APPL1: variants seen among roughly 807,000 people sequenced by gnomAD.
APPL1 encodes the protein DCC-interacting protein 13-alpha.
In APPL1, 42 loss-of-function variants were observed where a neutral mutation model predicts 106.8. The ratio of observed to expected loss-of-function variants is 0.39; its 90% CI spans 0.31 to 0.51. The LOEUF (loss-of-function observed/expected upper bound fraction) is 0.51. Among genes scored for constraint, APPL1 ranks in the 20% least tolerant of loss-of-function variants. The pLI, the probability that APPL1 is intolerant of heterozygous loss-of-function variation, is 0.75. For synonymous variants in APPL1, 263 were observed against 281.8 expected (o/e 0.93, Z 0.67); for missense variants, 769 against 858.2 (o/e 0.90, Z 1.30).
At chr3:57,231,012 C>T (rs1292417198) in intron 1 of APPL1, among the ~76,000 whole-genome samples, 2 of 151,694 alleles carry the variant, frequency 1.3e-5, no homozygotes, top group Admixed American at 6.6e-5. Flanking sequence ...ATTCTGCTTC[C>T]TCAGCCTCCC....
At chr3:57,260,245 A>C in intron 18 of APPL1, 92 bp downstream of exon 18, 1 of 1,334,774 alleles carries the variant, frequency 7.5e-7, no homozygotes, top group East Asian at 2.4e-5. Flanking sequence ...TGTATATTCA[A>C]GTGTGATAGT....
intron 12 of APPL1, among the ~76,000 whole-genome samples, chr3:57,253,298 G>A (rs1021186991): frequency 6.6e-6 from 1 of 151,980 alleles, no homozygotes; most frequent in African/African-American, 2.4e-5. Flanking sequence ...GTGGGGATTA[G>A]GAGGGGAAGT....
At chr3:57,261,650 C>T (rs1046708967) in intron 19 of APPL1, among the ~76,000 whole-genome samples, 1 of 152,144 alleles carries the variant, frequency 6.6e-6, no homozygotes, top group African/African-American at 2.4e-5. Context: ...TCCCGAGTAG[C>T]TGGGATTACA....
intron 15 of APPL1, chr3:57,258,721 TC>T (rs2060850137): frequency 2.2e-5 from 5 of 226,334 alleles, no homozygotes; most frequent in Admixed American, 5.7e-5. Flanking sequence ...AAATAAGTGT[TC>T]CTCTGTGCTA....
chr3:57,248,402 C>A (rs772981881), intron 10 of APPL1, 51 bp downstream of exon 10: 12 of 1,525,712 alleles, frequency 7.9e-6, no homozygotes, highest in Admixed American at 1.9e-5. Context: ...TAAGACAATA[C>A]CAAATGAATA....
At chr3:57,235,177 A>G (rs1012631420) in intron 1 of APPL1, among the ~76,000 whole-genome samples, 1 of 152,218 alleles carries the variant, frequency 6.6e-6, no homozygotes, top group Non-Finnish European at 1.5e-5. Flanking sequence ...CTCTTCTAGC[A>G]AAAACTGTAG....
chr3:57,264,961 A>G (rs895957056), intron 19 of APPL1, among the ~76,000 whole-genome samples: 10 of 151,830 alleles, frequency 6.6e-5, no homozygotes, highest in African/African-American at 2.4e-4. Context: ...ACATTTTCAG[A>G]TTGTTTTTTC....
Position 57,269,644 on chromosome 3 carries a change from G to C in APPL1, c.2087G>C (p.Ser696Thr), listed in dbSNP as rs748354648. The change falls in exon 22 of 22, where the codon AGT (serine) becomes ACT (threonine). Residue 696 changes from serine (S) to threonine (T), a missense_variant. By Grantham distance (58) the Ser-to-Thr change is moderately conservative. Coordinates refer to ENST00000288266, the MANE Select transcript of APPL1 (RefSeq NM_012096.3). Reference sequence around the variant, plus strand: ...CTTAGCAGTAGCCAGTCAGAAGAGAGTGATTTGGGAGAAGGAGGAAAGAAG... The same window carrying C: ...CTTAGCAGTAGCCAGTCAGAAGAGACTGATTTGGGAGAAGGAGGAAAGAAG... ...VVLSSSQSEE[S>T]DLGEGGKKRE... 2 of 1,614,020 alleles carry C rather than the reference G, an allele frequency of 1.2e-6. No individual in the cohort carries two copies. Among genetic ancestry groups the C allele is most frequent in the South Asian group, 2.2e-5 (2 of 91,076 alleles).
intron 2 of APPL1, among the ~76,000 whole-genome samples, chr3:57,237,238 T>A (rs1403626939): frequency 6.6e-6 from 1 of 152,168 alleles, no homozygotes; most frequent in Non-Finnish European, 1.5e-5. Context: ...CTTTAAAGTA[T>A]TTAGTGCTTA....
chr3:57,246,889 G>C (rs1352765226), intron 8 of APPL1, among the ~76,000 whole-genome samples: 1 of 151,604 alleles, frequency 6.6e-6, no homozygotes, highest in Non-Finnish European at 1.5e-5. Flanking sequence ...GGTGATCCCA[G>C]CAACTTGGGA....
chr3:57,238,468 A>G (rs1009463149), intron 4 of APPL1, among the ~76,000 whole-genome samples: 1 of 152,200 alleles, frequency 6.6e-6, no homozygotes, highest in East Asian at 1.9e-4. Flanking sequence ...TTTAGTCTTT[A>G]TTAATCCTGC....
At chr3:57,250,970 G>A (rs2107604334) in intron 11 of APPL1, among the ~76,000 whole-genome samples, 1 of 149,068 alleles carries the variant, frequency 6.7e-6, no homozygotes, top group Admixed American at 6.6e-5. Context: ...ACCACGCCCG[G>A]CTAATTTTTT....
intron 19 of APPL1, among the ~76,000 whole-genome samples, chr3:57,261,628 C>T (rs1463322065): frequency 6.6e-6 from 1 of 152,172 alleles, no homozygotes; most frequent in African/African-American, 2.4e-5. Flanking sequence ...ACGCCATTCT[C>T]CTGCCTCAGC....
chr3:57,271,575 A>G lies in APPL1; in HGVS notation c.*1888A>G, dbSNP rs968933267. ...TCTTTTGTTTATACTACAAATTGTCACCTCACTTAGTTCAGATGAAATCTG... is the reference window on the plus strand; with the variant it reads ...TCTTTTGTTTATACTACAAATTGTCGCCTCACTTAGTTCAGATGAAATCTG... On this transcript the variant is annotated 3_prime_UTR_variant, in exon 22 of 22. Coordinates refer to ENST00000288266, the MANE Select transcript of APPL1 (RefSeq NM_012096.3). 2.6e-5 allele frequency: 4 copies of G among 152,142 alleles called. No homozygotes were observed. The highest frequency in any genetic ancestry group is 9.7e-5 in the African/African-American group (4 of 41,410). The allele number at this position is 152,142 out of a possible 1,614,324, so 9.4% of individuals were successfully genotyped here.
chr3:57,238,137 G>A, intron 4 of APPL1, 21 bp downstream of exon 4: 1 of 1,577,392 alleles, frequency 6.3e-7, no homozygotes, highest in East Asian at 2.2e-5. Context: ...ATTTTATTTT[G>A]CTTGATTAAA....
intron 7 of APPL1, among the ~76,000 whole-genome samples, chr3:57,245,205 A>G (rs2060766421): frequency 6.6e-6 from 1 of 152,282 alleles, no homozygotes; most frequent in South Asian, 2.1e-4. Flanking sequence ...TATTCTTCGT[A>G]CTTGAGGATT....
chr3:57,235,423 A>G (rs959878402), intron 1 of APPL1, 143 bp from the exon 2 acceptor site: 2 of 471,230 alleles, frequency 4.2e-6, no homozygotes, highest in African/African-American at 2.0e-5. Flanking sequence ...TCTTAACATT[A>G]CTATCAAAAG....
chr3:57,267,860 G>A (rs747830260), intron 20 of APPL1, 68 bp downstream of exon 20: 14 of 1,536,230 alleles, frequency 9.1e-6, no homozygotes, highest in Non-Finnish European at 1.2e-5. Flanking sequence ...GGGAGGCCGA[G>A]GCGGGCAGAT....
At chr3:57,268,529 A>G (rs1038420266) in intron 21 of APPL1, 42 bp downstream of exon 21, 1 of 1,542,552 alleles carries the variant, frequency 6.5e-7, no homozygotes, top group Non-Finnish European at 8.7e-7. Flanking sequence ...GTTGTTTGTG[A>G]AGACTTAATT....
Sources: allele counts gnomAD v4.1 joint callset (sites outside exome capture counted in the v4.1 genomes callset), GRCh38; gene constraint gnomAD v4.1.1; transcripts MANE v1.5; gene names NCBI Gene and HGNC (gene_info 2026-07-23, HGNC 2026-07-21).